The following SLC5A8 variants were observed in gnomAD, a reference collection of about 807,000 sequenced individuals.
The protein encoded by SLC5A8 is sodium-coupled monocarboxylate transporter 1.
Under a neutral mutation model 71.9 loss-of-function variants are expected in SLC5A8, and 55 were observed. The observed-to-expected ratio is 0.77, with a 90% CI of 0.62 to 0.96. SLC5A8 has a LOEUF of 0.96. Among genes scored for constraint, SLC5A8 ranks in the 40% least tolerant of loss-of-function variants. The probability of loss-of-function intolerance (pLI) is 0.00; values close to 1 mark genes in which losing one functional copy is unlikely to be tolerated. For synonymous variants in SLC5A8, 307 were observed against 276.1 expected (o/e 1.11, Z -1.11); for missense variants, 701 against 745.3 (o/e 0.94, Z 0.69).
intron 10 of SLC5A8, among the ~76,000 whole-genome samples, chr12:101,178,475 A>C (rs1166312640): frequency 2.0e-5 from 3 of 152,224 alleles, no homozygotes; most frequent in Non-Finnish European, 4.4e-5. Flanking sequence ...CAGACACATA[A>C]ATAAATGAAA....
intron 13 of SLC5A8, among the ~76,000 whole-genome samples, chr12:101,160,153 G>C (rs190125711): frequency 6.6e-6 from 1 of 152,288 alleles, no homozygotes; most frequent in Admixed American, 6.5e-5. Context: ...CTGTACTCCA[G>C]CCTGGGCAAA....
intron 4 of SLC5A8, among the ~76,000 whole-genome samples, 162 bp downstream of exon 4, chr12:101,194,933 T>C (rs1869097920): frequency 6.6e-6 from 1 of 152,204 alleles, no homozygotes. Flanking sequence ...AAGGATCAAA[T>C]TATACTACAG....
intron 10 of SLC5A8, among the ~76,000 whole-genome samples, chr12:101,176,578 A>G (rs1022196328): frequency 6.6e-6 from 1 of 152,020 alleles, no homozygotes; most frequent in Admixed American, 6.6e-5. Flanking sequence ...CTGAAATCAT[A>G]AAGAGTGTGT....
At chr12:101,204,425 G>C (rs1274340847) in intron 2 of SLC5A8, 75 bp downstream of exon 2, 1 of 1,277,840 alleles carries the variant, frequency 7.8e-7, no homozygotes, top group East Asian at 2.4e-5. Flanking sequence ...GTGATTCCCA[G>C]GTAAGCTTAA....
intron 7 of SLC5A8, among the ~76,000 whole-genome samples, chr12:101,185,301 A>G (rs1868581802): frequency 6.6e-6 from 1 of 152,232 alleles, no homozygotes; most frequent in Non-Finnish European, 1.5e-5. Flanking sequence ...GTTTAACTTT[A>G]AACAATGTCC....
At chr12:101,202,634 A>G (rs1450807327) in intron 2 of SLC5A8, among the ~76,000 whole-genome samples, 1 of 152,128 alleles carries the variant, frequency 6.6e-6, no homozygotes, top group Non-Finnish European at 1.5e-5. Flanking sequence ...TCAAGAAAAT[A>G]GTAAAAATTT....
rs1032506766 is a variant in SLC5A8 at position 101,155,987 on chromosome 12, G to A, written c.*1292C>T. 6.6e-6 allele frequency: 1 copy of A among 152,030 alleles called. No homozygotes were observed. Among genetic ancestry groups the A allele is most frequent in the African/African-American group, 2.4e-5 (1 of 41,402 alleles). The allele number at this position is 152,030 out of a possible 1,614,324, so 9.4% of individuals were successfully genotyped here. ...GAGTTTAAAAAAGAACTTTTAAACA[G>A]TATCTAATGTGGGAACTGTACAAAA... On this transcript the variant is annotated 3_prime_UTR_variant, in exon 15 of 15. Transcript: ENST00000536262.
intron 7 of SLC5A8, among the ~76,000 whole-genome samples, chr12:101,186,956 T>C (rs1868668904): frequency 6.6e-6 from 1 of 152,188 alleles, no homozygotes; most frequent in Admixed American, 6.5e-5. Flanking sequence ...TCAGTAAATA[T>C]TCACTTATTG....
At chr12:101,178,312 A>G (rs1422361920) in intron 10 of SLC5A8, among the ~76,000 whole-genome samples, 1 of 152,174 alleles carries the variant, frequency 6.6e-6, no homozygotes, top group Admixed American at 6.5e-5. Flanking sequence ...CCTAGACTTC[A>G]TATGGAAAGG....
rs1404104685 is a variant in SLC5A8, at chr12:101,209,974, C to T, written c.-126G>A. On this transcript the variant is annotated 5_prime_UTR_variant, in exon 1 of 15. Coordinates refer to ENST00000536262, the MANE Select transcript of SLC5A8 (RefSeq NM_145913.5). ...CGTGGCGTCCCGCGGGGACTGGAGGCGTCCTCCAGGTGTCGGCCTCCGAAC... is the reference window on the plus strand; with the variant it reads ...CGTGGCGTCCCGCGGGGACTGGAGGTGTCCTCCAGGTGTCGGCCTCCGAAC... 3.5e-6 allele frequency: 3 copies of T among 850,714 alleles called. No homozygotes were observed. Among genetic ancestry groups the T allele is most frequent in the African/African-American group, 3.6e-5 (2 of 55,708 alleles). 52.7% of individuals were successfully genotyped at this position (850,714 alleles called of 1,614,324 possible).
intron 13 of SLC5A8, among the ~76,000 whole-genome samples, chr12:101,160,113 C>T (rs535158632): frequency 6.6e-6 from 1 of 152,212 alleles, no homozygotes; most frequent in African/African-American, 2.4e-5. Context: ...ACGCAGGAGG[C>T]AGAGGTTACA....
intron 10 of SLC5A8, among the ~76,000 whole-genome samples, chr12:101,177,464 C>CACACAT (rs2051890594): frequency 6.6e-6 from 1 of 151,580 alleles, no homozygotes; most frequent in Admixed American, 6.6e-5. Context: ...CACACACACA[C>CACACAT]ACACACACAC....
chr12:101,166,758 T>A, intron 11 of SLC5A8, 59 bp from the exon 12 acceptor site: 1 of 1,458,312 alleles, frequency 6.9e-7, no homozygotes, highest in Non-Finnish European at 9.2e-7. Flanking sequence ...ATGTCAAAAT[T>A]AATATTAGAA....
intron 10 of SLC5A8, 148 bp from the exon 11 acceptor site, chr12:101,168,330 G>A: frequency 2.7e-6 from 2 of 745,442 alleles, no homozygotes; most frequent in Non-Finnish European, 4.2e-6. Flanking sequence ...CACTGGAAAA[G>A]AAGTCATTAG....
At chr12:101,181,584 A>G (rs1566314203) in intron 9 of SLC5A8, among the ~76,000 whole-genome samples, 2 of 152,332 alleles carry the variant, frequency 1.3e-5, no homozygotes, top group South Asian at 2.1e-4. Flanking sequence ...CCCATTTCCT[A>G]TATAGAGAAA....
At chr12:101,162,713 A>C (rs1207812553) in intron 12 of SLC5A8, among the ~76,000 whole-genome samples, 1 of 152,218 alleles carries the variant, frequency 6.6e-6, no homozygotes, top group Non-Finnish European at 1.5e-5. Flanking sequence ...GGACACAAAG[A>C]AGGGAACAAT....
At chr12:101,171,972 C>T (rs183122753) in intron 10 of SLC5A8, among the ~76,000 whole-genome samples, 4 of 152,152 alleles carry the variant, frequency 2.6e-5, no homozygotes, top group African/African-American at 7.2e-5. Context: ...CTTAGAGTTG[C>T]TTGATTACAG....
intron 5 of SLC5A8, among the ~76,000 whole-genome samples, chr12:101,191,087 G>A (rs375196714): frequency 9.9e-5 from 15 of 152,228 alleles, no homozygotes; most frequent in East Asian, 5.8e-4. Flanking sequence ...CTATATTCAC[G>A]TTCAACAAAT....
At chr12:101,173,104 T>C (rs1410561940) in intron 10 of SLC5A8, among the ~76,000 whole-genome samples, 5 of 152,214 alleles carry the variant, frequency 3.3e-5, no homozygotes, top group Non-Finnish European at 7.4e-5. Context: ...GACAGTTATG[T>C]CTACCCACTC....
Sources: allele counts gnomAD v4.1 joint callset (sites outside exome capture counted in the v4.1 genomes callset), GRCh38; gene constraint gnomAD v4.1.1; transcripts MANE v1.5; gene names NCBI Gene and HGNC (gene_info 2026-07-23, HGNC 2026-07-21).